SLC10A7: variants seen among roughly 807,000 people sequenced by gnomAD.
SLC10A7 encodes sodium/bile acid cotransporter 7.
Under a neutral mutation model 43.2 loss-of-function variants are expected in SLC10A7, and 29 were observed. That is an observed-to-expected ratio of 0.67 (90% CI 0.50 to 0.92). The LOEUF (loss-of-function observed/expected upper bound fraction) is 0.92. Ranked by LOEUF, SLC10A7 falls within the 40% of genes least tolerant of loss-of-function variation. The pLI, the probability that SLC10A7 is intolerant of heterozygous loss-of-function variation, is 0.00. For missense variants in SLC10A7, 295 were observed against 403.2 expected, an observed-to-expected ratio of 0.73 and a Z score of 2.30; for synonymous variants, 152 against 144.8, an observed-to-expected ratio of 1.05 and a Z score of -0.35.
At chr4:146,327,207 T>C (rs547300119) in intron 5 of SLC10A7, among the ~76,000 whole-genome samples, 3 of 152,334 alleles carry the variant, frequency 2.0e-5, no homozygotes, top group African/African-American at 7.2e-5. Context: ...CATATACACA[T>C]GTGAATATCC....
intron 5 of SLC10A7, chr4:146,442,476 T>A (rs1405552909): frequency 2.4e-5 from 27 of 1,109,436 alleles, no homozygotes; most frequent in Non-Finnish European, 3.0e-5. Context: ...AATAATAATC[T>A]AAAAGACCTC....
At chr4:146,356,051 A>AT (rs1491190447) in intron 5 of SLC10A7, among the ~76,000 whole-genome samples, 275 of 140,122 alleles carry the variant, frequency 2.0e-3, no homozygotes, top group Middle Eastern at 3.7e-3. Context: ...AAAAAAAAAA[A>AT]ATATATATAT....
chr4:146,375,067 A>T (rs986704583), intron 5 of SLC10A7, among the ~76,000 whole-genome samples: 1 of 152,040 alleles, frequency 6.6e-6, no homozygotes, highest in Non-Finnish European at 1.5e-5. Context: ...TTAACCAGGC[A>T]TGGTGGTGCA....
intron 3 of SLC10A7, among the ~76,000 whole-genome samples, chr4:146,506,163 A>C (rs775246221): frequency 5.3e-5 from 8 of 152,150 alleles, no homozygotes; most frequent in Non-Finnish European, 1.2e-4. Context: ...AGTTTTAAAA[A>C]GACAAAAATT....
chr4:146,382,215 G>T (rs76629701), intron 5 of SLC10A7, among the ~76,000 whole-genome samples: 1 of 152,036 alleles, frequency 6.6e-6, no homozygotes. Context: ...ACTTATGAAT[G>T]GATAAACATT....
intron 5 of SLC10A7, among the ~76,000 whole-genome samples, chr4:146,327,987 G>A (rs1323365598): frequency 1.3e-5 from 2 of 152,150 alleles, no homozygotes; most frequent in Non-Finnish European, 2.9e-5. Flanking sequence ...CCTGCCACAA[G>A]TGCACTGGCA....
intron 10 of SLC10A7, among the ~76,000 whole-genome samples, chr4:146,270,681 T>C (rs1728836882): frequency 6.6e-6 from 1 of 152,162 alleles, no homozygotes; most frequent in African/African-American, 2.4e-5. Context: ...CAGAGGACTC[T>C]GGAGGTAGAC....
intron 5 of SLC10A7, among the ~76,000 whole-genome samples, chr4:146,354,310 A>G (rs1735389702): frequency 6.6e-6 from 1 of 152,170 alleles, no homozygotes; most frequent in African/African-American, 2.4e-5. Flanking sequence ...AGAATAAAAT[A>G]ACTAGGAATC....
intron 9 of SLC10A7, among the ~76,000 whole-genome samples, chr4:146,292,314 G>C (rs1417421029): frequency 1.3e-5 from 2 of 152,154 alleles, no homozygotes; most frequent in Non-Finnish European, 2.9e-5. Flanking sequence ...GGAATTATCA[G>C]TAAGATATCC....
In SLC10A7 at chr4:146,292,989, A is replaced by G; in HGVS notation, c.722-9T>C. On this transcript the variant is annotated splice_polypyrimidine_tract_variant and intron_variant, in intron 8 of 11. Coordinates refer to ENST00000335472, the MANE Select transcript of SLC10A7 (RefSeq NM_001029998.6). Reference sequence around the variant, plus strand: ...CAGCTGGATAGAAAATACTGAAGAAAAAAAGATTGAATCTAAATTAGCACT... The same window carrying G: ...CAGCTGGATAGAAAATACTGAAGAAGAAAAGATTGAATCTAAATTAGCACT... The G allele has an allele frequency of 1.9e-6, 3 of 1,544,226 alleles. No homozygotes were observed. Among genetic ancestry groups the G allele is most frequent in the Non-Finnish European group, 2.7e-6 (3 of 1,123,876 alleles).
At chr4:146,394,975 T>C (rs977646340) in intron 5 of SLC10A7, among the ~76,000 whole-genome samples, 2 of 152,216 alleles carry the variant, frequency 1.3e-5, no homozygotes, top group Admixed American at 6.5e-5. Context: ...ACATTTCTAC[T>C]TCTTCCATAA....
intron 5 of SLC10A7, among the ~76,000 whole-genome samples, chr4:146,421,087 G>A (rs935395488): frequency 6.6e-5 from 10 of 152,102 alleles, no homozygotes; most frequent in Admixed American, 2.0e-4. Context: ...AAATACTCTC[G>A]ATAATAATAG....
intron 5 of SLC10A7, among the ~76,000 whole-genome samples, chr4:146,411,882 G>A (rs147914964): frequency 7.2e-4 from 110 of 152,262 alleles, no homozygotes; most frequent in Non-Finnish European, 1.5e-3. Context: ...CTTGTCAAGT[G>A]CAGATGAAAG....
intron 6 of SLC10A7, among the ~76,000 whole-genome samples, chr4:146,324,891 G>A (rs1360723648): frequency 6.6e-6 from 1 of 152,148 alleles, no homozygotes; most frequent in Non-Finnish European, 1.5e-5. Context: ...TTCTTACCTT[G>A]TCAAAATGGA....
intron 4 of SLC10A7, among the ~76,000 whole-genome samples, chr4:146,502,545 G>A (rs927429827): frequency 1.3e-4 from 20 of 148,624 alleles, no homozygotes; most frequent in African/African-American, 4.8e-4. Flanking sequence ...GGAAACGGGG[G>A]TATATTATAT....
intron 10 of SLC10A7, among the ~76,000 whole-genome samples, chr4:146,263,185 T>C (rs1728341313): frequency 6.6e-6 from 1 of 152,232 alleles, no homozygotes; most frequent in African/African-American, 2.4e-5. Context: ...TTGCCTCCTC[T>C]GGGAAGCCAT....
At chr4:146,443,812 G>A (rs1730804653) in intron 4 of SLC10A7, among the ~76,000 whole-genome samples, 2 of 152,144 alleles carry the variant, frequency 1.3e-5, no homozygotes, top group South Asian at 2.1e-4. Context: ...TGAGATCCTC[G>A]GCTCCAGAGA....
chr4:146,500,081 C>G (rs1736257390), intron 4 of SLC10A7, among the ~76,000 whole-genome samples: 1 of 152,132 alleles, frequency 6.6e-6, no homozygotes, highest in Non-Finnish European at 1.5e-5. Flanking sequence ...TCCTATACCT[C>G]CTCTATCTCA....
chr4:146,400,377 G>C (rs566754809), intron 5 of SLC10A7, among the ~76,000 whole-genome samples: 14 of 152,204 alleles, frequency 9.2e-5, no homozygotes, highest in Non-Finnish European at 1.9e-4. Context: ...AATTTTGCTT[G>C]AAAGAAGAGC....
Sources: allele counts gnomAD v4.1 joint callset (sites outside exome capture counted in the v4.1 genomes callset), GRCh38; gene constraint gnomAD v4.1.1; transcripts MANE v1.5; gene names NCBI Gene and HGNC (gene_info 2026-07-23, HGNC 2026-07-21).